Variants in PHACTR1 observed in about 807,000 individuals in gnomAD.
PHACTR1 encodes the protein RPEL repeat containing 1.
PHACTR1 carries 16 observed loss-of-function variants against 69.2 expected under a neutral mutation model. The observed-to-expected ratio is 0.23, with a 90% CI of 0.16 to 0.35. The LOEUF is 0.35. PHACTR1 is among the 10% of genes least tolerant of loss of function. PHACTR1 has a pLI of 1.00. For synonymous variants in PHACTR1, 312 were observed against 284.5 expected, an observed-to-expected ratio of 1.10 and a Z score of -0.97; for missense variants, 510 against 734.7, an observed-to-expected ratio of 0.69 and a Z score of 3.54.
At chr6:12,977,031 T>C (rs1471620898) in intron 4 of PHACTR1, among the ~76,000 whole-genome samples, 2 of 152,192 alleles carry the variant, frequency 1.3e-5, no homozygotes, top group African/African-American at 4.8e-5. Flanking sequence ...AATGGTGCAA[T>C]CTCGGCTCAC....
At chr6:13,279,575 T>C (rs896855000) in intron 12 of PHACTR1, 4 of 152,226 alleles carry the variant, frequency 2.6e-5, no homozygotes, top group Non-Finnish European at 5.9e-5. Flanking sequence ...CTCCACACTT[T>C]CCCTGCGAGC....
Position 13,096,857 on chromosome 6 carries a change from G to C in PHACTR1, c.415+43328G>C, listed in dbSNP as rs533721839. Among the ~76,000 whole-genome samples the C allele has an allele frequency of 1.6e-4, 25 of 152,308 alleles. 1 individual carries two copies. Among genetic ancestry groups the C allele is most frequent in the Admixed American group, 1.3e-3 (20 of 15,290 alleles). On this transcript the variant is annotated intron_variant, in intron 5 of 14. Transcript: ENST00000332995. ...TATGAATAGTTTCAAGAGGCATGTAGCTTCTCCCTCCTGTCGTGCGTGACT... is the reference window on the plus strand; with the variant it reads ...TATGAATAGTTTCAAGAGGCATGTACCTTCTCCCTCCTGTCGTGCGTGACT...
In PHACTR1 at chr6:12,897,698, T is replaced by TTTA. The variant is rs10526737; in HGVS notation, c.250+147940_250+147942dup. Among the ~76,000 whole-genome samples the TTTA allele has an allele frequency of 8.8e-3, 1,316 of 148,854 alleles. 11 individuals carry two copies. Among genetic ancestry groups the TTTA allele is most frequent in the African/African-American group, 0.023 (922 of 40,466 alleles). On this transcript the variant is annotated intron_variant, in intron 4 of 14. Coordinates refer to ENST00000332995, the MANE Select transcript of PHACTR1 (RefSeq NM_030948.6). ...ACATGCAACAAGCACTTTGTAATCT[T>TTTA]TTATTATTATTATTATTATTATTAT...
At chr6:12,852,425 G>A (rs1209087393) in intron 4 of PHACTR1, among the ~76,000 whole-genome samples, 1 of 152,144 alleles carries the variant, frequency 6.6e-6, no homozygotes, top group Non-Finnish European at 1.5e-5. Flanking sequence ...AAGGCAGAAC[G>A]GGATGGTACA....
chr6:13,146,045 A>G (rs1048109829), intron 5 of PHACTR1, among the ~76,000 whole-genome samples: 2 of 152,246 alleles, frequency 1.3e-5, no homozygotes, highest in Admixed American at 6.5e-5. Flanking sequence ...AAAGGCAGTG[A>G]TAATGTCATC....
chr6:12,871,570 A>G, intron 4 of PHACTR1, among the ~76,000 whole-genome samples: 1 of 151,938 alleles, frequency 6.6e-6, no homozygotes, highest in African/African-American at 2.4e-5. Flanking sequence ...ATGCTTCTCT[A>G]TACCTGATAT....
intron 3 of PHACTR1, among the ~76,000 whole-genome samples, chr6:12,726,191 T>C (rs1228996631): frequency 1.3e-5 from 2 of 152,176 alleles, no homozygotes; most frequent in East Asian, 3.9e-4. Context: ...TTGAAAAAAA[T>C]CAATCTTTTA....
chr6:13,056,198 A>T (rs1806756476), intron 5 of PHACTR1, among the ~76,000 whole-genome samples: 1 of 152,214 alleles, frequency 6.6e-6, no homozygotes, highest in Non-Finnish European at 1.5e-5. Context: ...CCTTGAGCCC[A>T]GGAGTTAAAA....
intron 5 of PHACTR1, among the ~76,000 whole-genome samples, chr6:13,055,734 C>T (rs977719584): frequency 4.6e-5 from 7 of 152,214 alleles, no homozygotes; most frequent in East Asian, 3.8e-4. Flanking sequence ...CTCACATGAC[C>T]GATTATGCCA....
intron 6 of PHACTR1, among the ~76,000 whole-genome samples, chr6:13,165,018 AG>A (rs1759586833): frequency 6.6e-6 from 1 of 152,158 alleles, no homozygotes; most frequent in Admixed American, 6.6e-5. Flanking sequence ...TTTAGATAAA[AG>A]TTTTAAAATC....
At chr6:12,924,126 T>A (rs2127518157) in intron 4 of PHACTR1, among the ~76,000 whole-genome samples, 1 of 152,340 alleles carries the variant, frequency 6.6e-6, no homozygotes, top group Admixed American at 6.5e-5. Flanking sequence ...TTAGATGATA[T>A]AAAATATTTG....
intron 5 of PHACTR1, among the ~76,000 whole-genome samples, chr6:13,095,721 AAACTT>A (rs956438713): frequency 3.4e-5 from 5 of 148,436 alleles, no homozygotes; most frequent in African/African-American, 1.2e-4. Flanking sequence ...AATTGATACT[AAACTT>A]TAAAGTGAAT....
chr6:13,093,710 T>C (rs1265929127), intron 5 of PHACTR1, among the ~76,000 whole-genome samples: 2 of 152,226 alleles, frequency 1.3e-5, no homozygotes, highest in African/African-American at 4.8e-5. Flanking sequence ...CAGTTCTTTA[T>C]TAATATTATA....
intron 4 of PHACTR1, among the ~76,000 whole-genome samples, chr6:13,038,270 A>G (rs1172724049): frequency 6.6e-6 from 1 of 152,180 alleles, no homozygotes; most frequent in African/African-American, 2.4e-5. Context: ...TGTCAATGAG[A>G]AGAGCCTTCT....
chr6:13,128,393 A>T (rs186401324), intron 5 of PHACTR1, among the ~76,000 whole-genome samples: 97 of 150,572 alleles, frequency 6.4e-4, no homozygotes, highest in Admixed American at 5.2e-3. Context: ...ACTTAAATAA[A>T]TTTTTTTTTA....
intron 12 of PHACTR1, chr6:13,279,368 G>C (rs1779676514): frequency 6.6e-6 from 1 of 152,202 alleles, no homozygotes; most frequent in African/African-American, 2.4e-5. Context: ...CGAAGTCAAA[G>C]TGTTTTTAAT....
At chr6:12,932,585 C>T (rs528510321) in intron 4 of PHACTR1, among the ~76,000 whole-genome samples, 8 of 152,248 alleles carry the variant, frequency 5.3e-5, no homozygotes, top group East Asian at 3.9e-4. Flanking sequence ...TACACAAAGA[C>T]GCTTTAAATC....
chr6:12,731,006 AT>A (rs966880427), intron 3 of PHACTR1, among the ~76,000 whole-genome samples: 1 of 149,038 alleles, frequency 6.7e-6, no homozygotes, highest in African/African-American at 2.5e-5. Flanking sequence ...TTATTTATTT[AT>A]TTATTTATTT....
chr6:12,885,180 G>C (rs1783515253), intron 4 of PHACTR1, among the ~76,000 whole-genome samples: 1 of 152,172 alleles, frequency 6.6e-6, no homozygotes, highest in African/African-American at 2.4e-5. Flanking sequence ...GGAAGGTCCC[G>C]TGGAACTGCC....
Sources: gnomAD v4.1 joint callset for allele counts (sites outside exome capture counted in the v4.1 genomes callset) on GRCh38, gnomAD v4.1.1 for gene constraint, MANE v1.5 for transcripts, NCBI Gene and HGNC (gene_info 2026-07-23, HGNC 2026-07-21) for gene names.